Variants in RASSF3 observed in about 807,000 individuals in gnomAD.
RASSF3 encodes the protein Ras association domain family member 3, also known as ras association domain-containing protein 3.
In RASSF3, 19 loss-of-function variants were observed where a neutral mutation model predicts 19.9. The observed-to-expected ratio is 0.96, with a 90% confidence interval of 0.67 to 1.40. The LOEUF is 1.40. Ranked by LOEUF, RASSF3 falls within the 40% of genes most tolerant of loss-of-function variation. The pLI is 0.00. For missense variants in RASSF3, 306 were observed against 289.8 expected (o/e 1.06, Z -0.41); for synonymous variants, 110 against 104.2 (o/e 1.06, Z -0.34).
chr12:64,684,148 A>C (rs946175387), intron 1 of RASSF3, among the ~76,000 whole-genome samples: 3 of 148,372 alleles, frequency 2.0e-5, no homozygotes, highest in Non-Finnish European at 4.4e-5. Context: ...GCATAGTGGC[A>C]TAATTATGGC....
chr12:64,682,401 C>G (rs1269215638), intron 1 of RASSF3, among the ~76,000 whole-genome samples: 2 of 151,962 alleles, frequency 1.3e-5, no homozygotes, highest in African/African-American at 4.8e-5. Context: ...GAAACCCCGT[C>G]TCTACTAAAA....
chr12:64,651,505 G>C (rs977328324), intron 1 of RASSF3, among the ~76,000 whole-genome samples: 2 of 151,944 alleles, frequency 1.3e-5, no homozygotes, highest in Admixed American at 6.6e-5. Context: ...GATTACAGGC[G>C]CCTGCCACCA....
chr12:64,507,240 G>A (rs1868297498), exon 1 of RASSF3: 1 of 398,662 alleles, frequency 2.5e-6, no homozygotes, highest in Non-Finnish European at 4.4e-6. Flanking sequence ...GAGACCTTCA[G>A]AAGAATAGCC....
At position 64,548,439 on chromosome 12, in the gene RASSF3, C is replaced by T. The variant is rs549971490; in HGVS notation, c.294+6734C>T. On this transcript the variant is annotated intron_variant, in intron 2 of 5. Transcript: ENST00000637125. Reference sequence around the variant, plus strand: ...TCCTGGGCTCAAGCTATCCTCCTGCCTTGGCCTCCCAAAGTGCCAGGATTA... The same window carrying T: ...TCCTGGGCTCAAGCTATCCTCCTGCTTTGGCCTCCCAAAGTGCCAGGATTA... Among the ~76,000 whole-genome samples, 21 of 152,288 alleles carry T rather than the reference C, an allele frequency of 1.4e-4. No homozygotes were observed. The East Asian group carries it at 3.9e-3, about 28-fold the overall frequency.
At chr12:64,672,987 T>C (rs935700007) in intron 1 of RASSF3, among the ~76,000 whole-genome samples, 1 of 152,156 alleles carries the variant, frequency 6.6e-6, no homozygotes, top group South Asian at 2.1e-4. Flanking sequence ...TGCCTCCTCC[T>C]CGGTTGCTGC....
chr12:64,572,803 A>G (rs768345533), intron 2 of RASSF3, among the ~76,000 whole-genome samples: 3 of 152,198 alleles, frequency 2.0e-5, no homozygotes, highest in Admixed American at 6.5e-5. Flanking sequence ...TTTGTTTCAC[A>G]TATATAAAGA....
At chr12:64,530,034 A>G (rs931989491), upstream of RASSF3, among the ~76,000 whole-genome samples, 4 of 152,172 alleles carry the variant, frequency 2.6e-5, no homozygotes, top group African/African-American at 9.7e-5. Flanking sequence ...AAGTCATCAC[A>G]TGAAGATAAT....
In RASSF3 at chr12:64,594,138, G is replaced by C. The variant is rs1592411548; in HGVS notation, c.294+52433G>C. On this transcript the variant is annotated intron_variant, in intron 2 of 5. Coordinates refer to the RASSF3 transcript ENST00000637125. ...GTTCAAGCCCAGGAGTTCAAAACCA[G>C]CCTGGGCAACGTAGTGAGACCCCAT... 2.6e-5 allele frequency among the ~76,000 whole-genome samples: 4 copies of C among 151,714 alleles called. No homozygotes were observed. The South Asian group carries it at 8.4e-4, about 32-fold the overall frequency.
intron 2 of RASSF3, among the ~76,000 whole-genome samples, chr12:64,586,879 T>A (rs907080117): frequency 4.0e-5 from 6 of 151,486 alleles, no homozygotes; most frequent in African/African-American, 1.5e-4. Context: ...GCGGAGATCA[T>A]GGCACTGCAC....
intron 1 of RASSF3, among the ~76,000 whole-genome samples, chr12:64,632,871 T>A (rs187515759): frequency 3.0e-4 from 46 of 152,276 alleles, no homozygotes; most frequent in Admixed American, 1.0e-3. Context: ...TAAATCTTGA[T>A]GTGGATATGG....
At chr12:64,564,961 A>G (rs1326220533) in intron 2 of RASSF3, among the ~76,000 whole-genome samples, 1 of 151,334 alleles carries the variant, frequency 6.6e-6, no homozygotes, top group Non-Finnish European at 1.5e-5. Flanking sequence ...TTGTATTTTT[A>G]GTAGAGACAG....
intron 1 of RASSF3, among the ~76,000 whole-genome samples, chr12:64,647,919 A>G (rs901213050): frequency 3.3e-5 from 5 of 152,240 alleles, no homozygotes; most frequent in African/African-American, 1.2e-4. Context: ...CCAACCTTCA[A>G]GAGCACTGTG....
At chr12:64,524,026 A>G (rs1239921037) in intron 1 of RASSF3, among the ~76,000 whole-genome samples, 1 of 147,538 alleles carries the variant, frequency 6.8e-6, no homozygotes, top group Non-Finnish European at 1.5e-5. Flanking sequence ...CCAGACTGCC[A>G]TCACCACTTG....
intron 4 of RASSF3, 104 bp from the exon 5 acceptor site, chr12:64,694,659 C>A: frequency 1.6e-6 from 2 of 1,271,382 alleles, no homozygotes; most frequent in Non-Finnish European, 2.2e-6. Flanking sequence ...CGGCATGGGG[C>A]TGGGAGGGGA....
At chr12:64,684,585 C>T (rs949041732) in intron 1 of RASSF3, among the ~76,000 whole-genome samples, 1 of 152,040 alleles carries the variant, frequency 6.6e-6, no homozygotes, top group African/African-American at 2.4e-5. Flanking sequence ...GCGTGCGCCA[C>T]CATGCCCAGC....
At chr12:64,649,010 A>T (rs569901450) in intron 1 of RASSF3, among the ~76,000 whole-genome samples, 1 of 151,048 alleles carries the variant, frequency 6.6e-6, no homozygotes, top group Non-Finnish European at 1.5e-5. Context: ...GGGTCTCATT[A>T]TGTTGCCCAG....
intron 2 of RASSF3, among the ~76,000 whole-genome samples, chr12:64,552,156 A>G (rs767991538): frequency 9.9e-5 from 15 of 152,188 alleles, no homozygotes; most frequent in Non-Finnish European, 1.9e-4. Context: ...AGGACATGGG[A>G]AAATTTACTT....
At position 64,688,397 on chromosome 12, in the gene RASSF3, T is replaced by A. The variant is rs764427453; in HGVS notation, c.401T>A (p.Val134Glu). The change falls in exon 3 of 5, where the codon GTG (valine) becomes GAG (glutamate). Residue 134 changes from valine (V) to glutamate (E), a missense_variant. Coordinates refer to ENST00000542104, the MANE Select transcript of RASSF3 (RefSeq NM_178169.4). The part of the protein sequence containing the change: ...VIEALLKKFL[V>E]TESPAKFALY... ...GAGGCCCTGCTCAAAAAGTTTCTCG[T>A]GACTGAGAGCCCTGCCAAGTTTGCA... 1 of 1,614,074 alleles carries A rather than the reference T, an allele frequency of 6.2e-7. No individual in the cohort carries two copies. The highest frequency in any genetic ancestry group is 1.3e-5 in the African/African-American group (1 of 74,942).
chr12:64,639,304 C>T (rs148916609), intron 1 of RASSF3, among the ~76,000 whole-genome samples: 28 of 151,824 alleles, frequency 1.8e-4, no homozygotes, highest in Non-Finnish European at 3.4e-4. Context: ...ATACTGGCTG[C>T]ATAGTAATAC....
Sources: allele counts gnomAD v4.1 joint callset (sites outside exome capture counted in the v4.1 genomes callset), GRCh38; gene constraint gnomAD v4.1.1; transcripts MANE v1.5; gene names NCBI Gene and HGNC (gene_info 2026-07-23, HGNC 2026-07-21).